PUS10: variants seen among roughly 807,000 people sequenced by gnomAD.
PUS10 encodes pseudouridine synthase 10, also known as tRNA pseudouridine synthase Pus10.
Under a neutral mutation model 75.0 loss-of-function variants are expected in PUS10, and 59 were observed. The observed-to-expected ratio is 0.79, with a 90% CI of 0.64 to 0.98. PUS10 has a LOEUF of 0.98. Ranked by LOEUF, PUS10 falls within the 50% of genes least tolerant of loss-of-function variation. The pLI, the probability that PUS10 is intolerant of heterozygous loss-of-function variation, is 0.00. For missense variants in PUS10, 650 were observed against 614.4 expected (o/e 1.06, Z -0.61); for synonymous variants, 219 against 211.6 (o/e 1.03, Z -0.30).
At chr2:60,948,218 C>A in intron 15 of PUS10, 33 bp from the exon 16 acceptor site, 1 of 1,609,838 alleles carries the variant, frequency 6.2e-7, no homozygotes, top group Non-Finnish European at 8.5e-7. Flanking sequence ...GTCCCAGAGT[C>A]AGAGCTTTGC....
intron 17 of PUS10, 129 bp from the exon 18 acceptor site, chr2:60,942,562 A>G: frequency 2.8e-6 from 2 of 706,004 alleles, no homozygotes; most frequent in Non-Finnish European, 4.9e-6. Context: ...GAAAAGAGCT[A>G]TTGAATACCA....
At position 61,017,862 on chromosome 2, in the gene PUS10, G is replaced by T; in HGVS notation, c.-16+146C>A. 1 of 1,550,116 alleles carries T rather than the reference G, an allele frequency of 6.5e-7. No individual in the cohort carries two copies. Among genetic ancestry groups the T allele is most frequent in the African/African-American group, 1.4e-5 (1 of 73,178 alleles). On this transcript the variant is annotated intron_variant, in intron 1 of 17. Transcript: ENST00000316752. Reference sequence around the variant, plus strand: ...GGGCCCCACTTTCCAGTGAGTGTGGGATTCTTCAGGCTGTGAGTTTAGTGG... The same window carrying T: ...GGGCCCCACTTTCCAGTGAGTGTGGTATTCTTCAGGCTGTGAGTTTAGTGG...
At chr2:60,977,236 G>C (rs1677088681) in intron 4 of PUS10, among the ~76,000 whole-genome samples, 1 of 152,100 alleles carries the variant, frequency 6.6e-6, no homozygotes, top group Non-Finnish European at 1.5e-5. Flanking sequence ...GTTGATTCAA[G>C]CAGAGGTGAT....
chr2:60,961,388 G>T, intron 10 of PUS10, 75 bp downstream of exon 10: 1 of 1,053,452 alleles, frequency 9.5e-7, no homozygotes, highest in South Asian at 1.3e-5. Context: ...GAATAAAATA[G>T]AACAGGAGTC....
intron 4 of PUS10, 49 bp downstream of exon 4, chr2:61,006,508 T>C (rs1010143646): frequency 2.3e-6 from 3 of 1,313,106 alleles, no homozygotes; most frequent in Non-Finnish European, 3.2e-6. Flanking sequence ...TTTTGAGAAA[T>C]TCCTAGCATG....
At chr2:60,974,211 CTTTTTTTTTTTTT>C (rs35241132) in intron 4 of PUS10, among the ~76,000 whole-genome samples, 3 of 96,068 alleles carry the variant, frequency 3.1e-5, no homozygotes, top group Non-Finnish European at 5.8e-5. Flanking sequence ...GATAAAGCTC[CTTTTTTTTTTTTT>C]TTTTTTTTTG....
intron 4 of PUS10, among the ~76,000 whole-genome samples, chr2:60,987,770 A>G (rs1294191678): frequency 1.3e-5 from 2 of 152,100 alleles, no homozygotes; most frequent in East Asian, 3.8e-4. Context: ...TAAAAACACA[A>G]AAATTAGCTG....
intron 12 of PUS10, 144 bp from the exon 13 acceptor site, chr2:60,954,302 G>T: frequency 4.3e-6 from 3 of 695,864 alleles, no homozygotes; most frequent in Non-Finnish European, 7.5e-6. Context: ...CTGAGGGAGG[G>T]AAGAATGTGT....
At chr2:60,960,134 G>A (rs1355910948) in intron 11 of PUS10, among the ~76,000 whole-genome samples, 1 of 137,796 alleles carries the variant, frequency 7.3e-6, no homozygotes, top group Non-Finnish European at 1.5e-5. Flanking sequence ...CTCCAGCCTG[G>A]GTGACAGGCT....
intron 4 of PUS10, among the ~76,000 whole-genome samples, chr2:60,988,935 C>T (rs1558951975): frequency 6.6e-6 from 1 of 152,122 alleles, no homozygotes; most frequent in South Asian, 2.1e-4. Context: ...AGCCCCACCA[C>T]CTGGCCAGGC....
chr2:60,945,255 CT>C (rs1674871822), intron 16 of PUS10, 147 bp from the exon 17 acceptor site: 1 of 551,836 alleles, frequency 1.8e-6, no homozygotes, highest in Non-Finnish European at 3.2e-6. Context: ...AAAAAATAAG[CT>C]TTGGCAATGT....
intron 4 of PUS10, among the ~76,000 whole-genome samples, chr2:60,994,672 A>T (rs772695334): frequency 4.6e-5 from 7 of 152,232 alleles, no homozygotes; most frequent in Non-Finnish European, 7.3e-5. Flanking sequence ...TTCTGGTTTC[A>T]TATTTTTACC....
intron 1 of PUS10, 96 bp downstream of exon 1, chr2:61,017,912 G>A: frequency 6.8e-7 from 1 of 1,473,782 alleles, no homozygotes; most frequent in South Asian, 1.2e-5. Flanking sequence ...TTGGCAGGAG[G>A]CGGTTGTAGC....
At chr2:61,012,762 A>AG (rs1221054755) in intron 1 of PUS10, among the ~76,000 whole-genome samples, 1 of 131,218 alleles carries the variant, frequency 7.6e-6, no homozygotes, top group African/African-American at 2.9e-5. Context: ...TGAACCTGGG[A>AG]GGTGGAGGTT....
chr2:60,984,115 A>G (rs1220127147), intron 4 of PUS10, among the ~76,000 whole-genome samples: 1 of 152,196 alleles, frequency 6.6e-6, no homozygotes, highest in African/African-American at 2.4e-5. Context: ...AAAAGTACAG[A>G]TAAATTTGTT....
At chr2:60,985,644 G>A (rs1677674558) in intron 4 of PUS10, among the ~76,000 whole-genome samples, 1 of 152,022 alleles carries the variant, frequency 6.6e-6, no homozygotes, top group South Asian at 2.1e-4. Context: ...GGAATTACAG[G>A]CATGTGCCAC....
chr2:60,978,882 T>C (rs1677205228), intron 4 of PUS10, among the ~76,000 whole-genome samples: 1 of 152,206 alleles, frequency 6.6e-6, no homozygotes, highest in African/African-American at 2.4e-5. Flanking sequence ...AGAACACAGA[T>C]TGGCAGGACT....
At chr2:61,015,930 A>C (rs1383706877) in intron 1 of PUS10, among the ~76,000 whole-genome samples, 1 of 152,210 alleles carries the variant, frequency 6.6e-6, no homozygotes, top group Non-Finnish European at 1.5e-5. Flanking sequence ...TAAGGTCAAG[A>C]ATTTTACTTA....
intron 4 of PUS10, among the ~76,000 whole-genome samples, chr2:60,980,788 AAAG>A (rs1182899610): frequency 1.3e-5 from 2 of 152,256 alleles, no homozygotes; most frequent in Non-Finnish European, 2.9e-5. Context: ...TATTCTATTC[AAAG>A]AAGATTTAAA....
Sources: gnomAD v4.1 joint callset for allele counts (sites outside exome capture counted in the v4.1 genomes callset) on GRCh38, gnomAD v4.1.1 for gene constraint, MANE v1.5 for transcripts, NCBI Gene and HGNC (gene_info 2026-07-23, HGNC 2026-07-21) for gene names.